Variants in SPTA1 observed in about 807,000 individuals in gnomAD.
SPTA1 encodes the protein spectrin alpha chain, erythrocytic 1.
A neutral mutation model predicts 324.7 loss-of-function variants in SPTA1; 177 were observed. The observed-to-expected ratio is 0.55, with a 90% CI of 0.48 to 0.62. The LOEUF is 0.62. Among genes scored for constraint, SPTA1 ranks in the 20% least tolerant of loss-of-function variants. The pLI is 0.00. For synonymous variants in SPTA1, 1,195 were observed against 1,041.3 expected, an observed-to-expected ratio of 1.15 and a Z score of -2.84; for missense variants, 3,162 against 2,883.6, an observed-to-expected ratio of 1.10 and a Z score of -2.21.
At chr1:158,641,404 C>CA in intron 33 of SPTA1, among the ~76,000 whole-genome samples, 1 of 152,178 alleles carries the variant, frequency 6.6e-6, no homozygotes, top group East Asian at 1.9e-4. Flanking sequence ...GTTTGCAATC[C>CA]ACTCATCTGA....
At chr1:158,672,485 G>C (rs1445786740) in intron 10 of SPTA1, among the ~76,000 whole-genome samples, 1 of 152,120 alleles carries the variant, frequency 6.6e-6, no homozygotes, top group Admixed American at 6.6e-5. Context: ...ACCAAACAGA[G>C]ATTTAAAAGG....
chr1:158,679,955 G>A (rs906180137), intron 5 of SPTA1, among the ~76,000 whole-genome samples: 4 of 151,996 alleles, frequency 2.6e-5, no homozygotes, highest in African/African-American at 7.2e-5. Flanking sequence ...TCTCACTATA[G>A]AGCTGCAATC....
At chr1:158,683,674 A>G (rs1430720087) in intron 2 of SPTA1, among the ~76,000 whole-genome samples, 178 bp from the exon 3 acceptor site, 5 of 152,108 alleles carry the variant, frequency 3.3e-5, no homozygotes, top group Non-Finnish European at 7.4e-5. Context: ...GTCCTGAGCT[A>G]TGCTGAGCCT....
At chr1:158,611,545 A>G (rs923379812) in intron 51 of SPTA1, 156 bp from the exon 52 acceptor site, 15 of 716,318 alleles carry the variant, frequency 2.1e-5, no homozygotes, top group Non-Finnish European at 3.1e-5. Flanking sequence ...TCATAAATTT[A>G]TAATTTCTAA....
chr1:158,643,561 C>A lies in SPTA1; in HGVS notation c.4339-136G>T, dbSNP rs1430950402. The A allele has an allele frequency of 3.5e-6, 3 of 856,910 alleles. No homozygotes were observed. The Admixed American group carries it at 6.1e-5, about 17-fold the overall frequency. The allele number at this position is 856,910 out of a possible 1,614,324, so 53.1% of individuals were successfully genotyped here. A position where few individuals can be genotyped will look rare whatever the true frequency, so the allele number is the denominator to read the frequency against. On this transcript the variant is annotated intron_variant, in intron 30 of 51. Coordinates refer to ENST00000643759, the MANE Select transcript of SPTA1 (RefSeq NM_003126.4). Reference sequence around the variant, plus strand: ...ATACTCAGGGTCAAATAATATATGCCTTACAGGGAGGTGGGTTTCAACTTA... The same window carrying A: ...ATACTCAGGGTCAAATAATATATGCATTACAGGGAGGTGGGTTTCAACTTA...
At chr1:158,669,286 G>GT in intron 14 of SPTA1, 122 bp downstream of exon 14, 1 of 1,348,518 alleles carries the variant, frequency 7.4e-7, no homozygotes, top group South Asian at 1.2e-5. Context: ...CTGAGCCTCT[G>GT]TTTTGTCATC....
intron 39 of SPTA1, among the ~76,000 whole-genome samples, chr1:158,631,073 T>G (rs1203531417): frequency 6.6e-6 from 1 of 152,108 alleles, no homozygotes; most frequent in East Asian, 1.9e-4. Context: ...TGGAGATTCC[T>G]TAAAGAACTA....
Position 158,674,395 on chromosome 1 carries a change from A to G in SPTA1, c.1284T>C (p.Ser428=). ...EIDSYDDRFQ[S]ADETGQDLVN... ...CGAGGTCTTGACCAGTCTCATCAGC[A>G]GATTGAAATCGGTCATCGTAAGAGT... Residue 428 remains serine, a synonymous_variant, in exon 10 of 52, where the codon TCT becomes TCC. Transcript: ENST00000643759. 1 of 1,614,144 alleles carries G rather than the reference A, an allele frequency of 6.2e-7. No homozygotes were observed.
At chr1:158,676,360 G>A in intron 7 of SPTA1, 65 bp from the exon 8 acceptor site, 2 of 1,559,554 alleles carry the variant, frequency 1.3e-6, no homozygotes, top group Middle Eastern at 4.1e-4. Context: ...GCAAAGCTTT[G>A]TGGGAGAGGT....
intron 43 of SPTA1, among the ~76,000 whole-genome samples, chr1:158,622,557 AATGACTTTTAC>A (rs1456254989): frequency 1.3e-5 from 2 of 152,192 alleles, no homozygotes; most frequent in Non-Finnish European, 2.9e-5. Flanking sequence ...AGAGATATTA[AATGACTTTTAC>A]AAGGTCTTCA....
At chr1:158,629,155 TAG>T (rs1650501108) in intron 39 of SPTA1, among the ~76,000 whole-genome samples, 1 of 150,602 alleles carries the variant, frequency 6.6e-6, no homozygotes, top group African/African-American at 2.4e-5. Flanking sequence ...GATAGATAGA[TAG>T]ATATGTCTAT....
At chr1:158,673,617 G>A (rs1477500956) in intron 10 of SPTA1, among the ~76,000 whole-genome samples, 4 of 152,226 alleles carry the variant, frequency 2.6e-5, no homozygotes, top group Non-Finnish European at 5.9e-5. Context: ...AACCATGTCA[G>A]ATGCTGTACT....
At chr1:158,668,134 G>A (rs1297584904) in intron 14 of SPTA1, 72 bp from the exon 15 acceptor site, 8 of 1,491,058 alleles carry the variant, frequency 5.4e-6, no homozygotes, top group Non-Finnish European at 7.4e-6. Flanking sequence ...GAGAATAAGA[G>A]GTTACTTCTC....
At chr1:158,613,299 T>C (rs973512346) in intron 50 of SPTA1, among the ~76,000 whole-genome samples, 10 of 152,104 alleles carry the variant, frequency 6.6e-5, no homozygotes, top group Admixed American at 6.5e-4. Context: ...TTTTTAGTAT[T>C]AGCAAGAATT....
chr1:158,660,373 G>A (rs191387961), intron 18 of SPTA1, among the ~76,000 whole-genome samples: 2 of 152,250 alleles, frequency 1.3e-5, no homozygotes, highest in Non-Finnish European at 2.9e-5. Context: ...AGCTCATGTG[G>A]CTTTTATTAG....
intron 10 of SPTA1, 50 bp from the exon 11 acceptor site, chr1:158,672,246 T>G: frequency 6.5e-7 from 1 of 1,534,588 alleles, no homozygotes; most frequent in Non-Finnish European, 8.8e-7. Context: ...ATTTATTTTA[T>G]TCTATATTTA....
At chr1:158,658,327 A>C (rs180884580) in intron 18 of SPTA1, among the ~76,000 whole-genome samples, 123 of 152,316 alleles carry the variant, frequency 8.1e-4, no homozygotes, top group African/African-American at 2.8e-3. Context: ...AGTGTCAAAG[A>C]GAAGGGTGTT....
At position 158,663,041 on chromosome 1, in the gene SPTA1, G is replaced by T. The variant is rs1013427756; in HGVS notation, c.2221-96C>A. On this transcript the variant is annotated intron_variant, in intron 16 of 51. Transcript: ENST00000643759. ...TGGAAACGGGGTCATGGGAAAATCAGTTCCCATATGCATTGTGTTCTGATC... is the reference window on the plus strand; with the variant it reads ...TGGAAACGGGGTCATGGGAAAATCATTTCCCATATGCATTGTGTTCTGATC... The T allele has an allele frequency of 1.1e-5, 17 of 1,512,588 alleles. No individual in the cohort carries two copies. In the African/African-American group the frequency reaches 1.9e-4, roughly 17 times the overall value. The allele number at this position is 1,512,588 out of a possible 1,614,324, so 93.7% of individuals were successfully genotyped here.
intron 29 of SPTA1, 135 bp downstream of exon 29, chr1:158,645,053 A>G: frequency 1.1e-6 from 1 of 900,716 alleles, no homozygotes; most frequent in Non-Finnish European, 1.8e-6. Context: ...GTACAATGCT[A>G]GGTAATTAAG....
Sources: gnomAD v4.1 joint callset for allele counts (sites outside exome capture counted in the v4.1 genomes callset) on GRCh38, gnomAD v4.1.1 for gene constraint, MANE v1.5 for transcripts, NCBI Gene and HGNC (gene_info 2026-07-23, HGNC 2026-07-21) for gene names.